CCDC180: variants seen among roughly 807,000 people sequenced by gnomAD.
The protein encoded by CCDC180 is coiled-coil domain containing 180.
Under a neutral mutation model 209.2 loss-of-function variants are expected in CCDC180, and 154 were observed. That is an observed-to-expected ratio of 0.74 (90% CI 0.65 to 0.84). The LOEUF is 0.84. CCDC180 is among the 40% of genes least tolerant of loss of function. CCDC180 has a pLI of 0.00. For missense variants in CCDC180, 1,874 were observed against 1,997.3 expected, an observed-to-expected ratio of 0.94 and a Z score of 1.18; for synonymous variants, 778 against 749.1, an observed-to-expected ratio of 1.04 and a Z score of -0.63.
At chr9:97,360,312 C>T (rs1179291650) in intron 26 of CCDC180, among the ~76,000 whole-genome samples, 1 of 152,108 alleles carries the variant, frequency 6.6e-6, no homozygotes, top group Non-Finnish European at 1.5e-5. Context: ...GCATTGGTCT[C>T]AGAGGAGACC....
chr9:97,315,408 A>G (rs991082457), intron 8 of CCDC180, among the ~76,000 whole-genome samples: 1 of 151,974 alleles, frequency 6.6e-6, no homozygotes, highest in Non-Finnish European at 1.5e-5. Context: ...TCTTCCTACC[A>G]GTGGTCTGTG....
intron 19 of CCDC180, among the ~76,000 whole-genome samples, chr9:97,346,914 A>G (rs1211446198): frequency 6.6e-6 from 1 of 152,216 alleles, no homozygotes; most frequent in Non-Finnish European, 1.5e-5. Context: ...GCTCAGTCTC[A>G]ATCATAATAT....
At chr9:97,355,632 A>G (rs1413487076) in intron 24 of CCDC180, among the ~76,000 whole-genome samples, 1 of 152,206 alleles carries the variant, frequency 6.6e-6, no homozygotes, top group Non-Finnish European at 1.5e-5. Context: ...TTAGGTAGGA[A>G]CACAGAGCTC....
intron 28 of CCDC180, 132 bp downstream of exon 28, chr9:97,362,573 G>T: frequency 7.6e-7 from 1 of 1,315,448 alleles, no homozygotes. Flanking sequence ...GACTCCACGG[G>T]GCGCAGTGAG....
In CCDC180 at chr9:97,328,070, C is replaced by A; in HGVS notation, c.1712C>A (p.Ala571Glu). Residue 571 changes from alanine (A) to glutamate (E), a missense_variant, in exon 16 of 37, where the codon GCG becomes GAG. Ala to Glu is a moderately radical substitution (Grantham distance 107). Coordinates refer to ENST00000529487, the MANE Select transcript of CCDC180 (RefSeq NM_020893.6). ...LLTKEVMEYP[A>E]IMLKELNSYS... ...ACAAAGGAAGTGATGGAGTACCCAG[C>A]GATCATGCTGAAAGAACTCAACTCC... The A allele has an allele frequency of 6.2e-7, 1 of 1,613,956 alleles. No individual in the cohort carries two copies. Among genetic ancestry groups the A allele is most frequent in the South Asian group, 1.1e-5 (1 of 91,052 alleles).
At chr9:97,342,392 G>T (rs1300700566) in intron 18 of CCDC180, among the ~76,000 whole-genome samples, 1 of 152,020 alleles carries the variant, frequency 6.6e-6, no homozygotes, top group Non-Finnish European at 1.5e-5. Context: ...GACCTCAAAT[G>T]ATCTGCCGCC....
At chr9:97,329,855 T>A (rs1441041053) in intron 16 of CCDC180, among the ~76,000 whole-genome samples, 1 of 151,874 alleles carries the variant, frequency 6.6e-6, no homozygotes, top group Non-Finnish European at 1.5e-5. Flanking sequence ...GATCACGAGG[T>A]CAGGAGATGG....
In CCDC180 at chr9:97,330,759, G is replaced by A; in HGVS notation, c.2266G>A (p.Val756Met). ...ACAGGAAGAGCAAGAGAGTTTATCT[G>A]TGGGTGAGGTAAGCCAGCAACTGAT... is the stretch of plus-strand genomic sequence containing the variant. ...EAQEEQESLSVGEEEDKEEGL... is the reference protein window; with the variant it reads ...EAQEEQESLSMGEEEDKEEGL... The change falls in exon 18 of 37, where the codon GTG (valine) becomes ATG (methionine). Residue 756 changes from valine to methionine, a missense_variant. By Grantham distance (21) the Val-to-Met change is conservative. Coordinates refer to ENST00000529487, the MANE Select transcript of CCDC180 (RefSeq NM_020893.6). The A allele has an allele frequency of 6.3e-7, 1 of 1,596,934 alleles. No individual in the cohort carries two copies. Among genetic ancestry groups the A allele is most frequent in the African/African-American group, 1.3e-5 (1 of 74,878 alleles).
intron 11 of CCDC180, among the ~76,000 whole-genome samples, chr9:97,321,993 A>G (rs1477120349): frequency 6.6e-6 from 1 of 152,132 alleles, no homozygotes; most frequent in Non-Finnish European, 1.5e-5. Flanking sequence ...TCTGGGCTTT[A>G]TCCTGAGGGC....
chr9:97,341,159 A>T (rs568214503), intron 18 of CCDC180, among the ~76,000 whole-genome samples: 3 of 152,044 alleles, frequency 2.0e-5, no homozygotes, highest in African/African-American at 4.8e-5. Context: ...ATTGGAGATG[A>T]CTCACACTCT....
At chr9:97,375,315 A>G (rs1827220421) in intron 35 of CCDC180, 139 bp from the exon 36 acceptor site, 4 of 1,125,118 alleles carry the variant, frequency 3.6e-6, no homozygotes, top group Non-Finnish European at 1.3e-6. Context: ...CACATTCAGT[A>G]TGTTTTTTCT....
intron 8 of CCDC180, among the ~76,000 whole-genome samples, chr9:97,316,122 T>G (rs1468569955): frequency 2.0e-5 from 3 of 152,228 alleles, no homozygotes; most frequent in Non-Finnish European, 4.4e-5. Flanking sequence ...TTTTATCCAA[T>G]AGAAGAGTCA....
rs74451262 is a variant in CCDC180 at position 97,347,114 on chromosome 9, C to G, written c.2499-200C>G. 2.3e-3 allele frequency among the ~76,000 whole-genome samples: 353 copies of G among 152,324 alleles called. 3 individuals carry two copies. The highest frequency in any genetic ancestry group is 8.0e-3 in the African/African-American group (333 of 41,576). On this transcript the variant is annotated intron_variant, in intron 19 of 36. Transcript: ENST00000529487. The stretch of plus-strand genomic sequence containing the variant: ...AGGTCATTTATCCAAAGAAACAATT[C>G]TACATCTGACATACATAATGTCCTC...
chr9:97,368,422 C>T (rs370242686), intron 31 of CCDC180, among the ~76,000 whole-genome samples: 2 of 152,164 alleles, frequency 1.3e-5, no homozygotes, highest in Admixed American at 1.3e-4. Context: ...AGCAAGCCAC[C>T]TATAGCTGGA....
chr9:97,372,277 C>G (rs936193366), intron 34 of CCDC180: 1 of 152,150 alleles, frequency 6.6e-6, no homozygotes, highest in Non-Finnish European at 1.5e-5. Context: ...CATTTCTCAC[C>G]AATAGCCTGG....
intron 18 of CCDC180, among the ~76,000 whole-genome samples, chr9:97,341,292 T>C (rs879424939): frequency 1.3e-5 from 2 of 152,170 alleles, no homozygotes; most frequent in Non-Finnish European, 2.9e-5. Flanking sequence ...TTCTTTTATC[T>C]CTTTGTCTTG....
intron 18 of CCDC180, among the ~76,000 whole-genome samples, chr9:97,339,044 A>G (rs1053921934): frequency 6.6e-6 from 1 of 151,836 alleles, no homozygotes; most frequent in African/African-American, 2.4e-5. Flanking sequence ...TTTTGAGCCT[A>G]TGTGTGTCTC....
At chr9:97,353,437 T>G (rs1195590440) in intron 22 of CCDC180, among the ~76,000 whole-genome samples, 1 of 152,250 alleles carries the variant, frequency 6.6e-6, no homozygotes, top group Non-Finnish European at 1.5e-5. Flanking sequence ...TAATGGTTTT[T>G]GGGAGGTCTG....
At chr9:97,345,025 G>A (rs1826206229) in intron 19 of CCDC180, among the ~76,000 whole-genome samples, 1 of 152,140 alleles carries the variant, frequency 6.6e-6, no homozygotes, top group East Asian at 1.9e-4. Flanking sequence ...ATTATTGAAT[G>A]TGGCTAGGGT....
Sources: allele counts gnomAD v4.1 joint callset (sites outside exome capture counted in the v4.1 genomes callset), GRCh38; gene constraint gnomAD v4.1.1; transcripts MANE v1.5; gene names NCBI Gene and HGNC (gene_info 2026-07-23, HGNC 2026-07-21).